FADS1: variants seen among roughly 807,000 people sequenced by gnomAD.
FADS1 encodes the protein fatty acid desaturase 1, also known as acyl-CoA (8-3)-desaturase.
In FADS1, 17 loss-of-function variants were observed where a neutral mutation model predicts 61.6. The ratio of observed to expected loss-of-function variants is 0.28; its 90% CI spans 0.19 to 0.41. The LOEUF (loss-of-function observed/expected upper bound fraction) is 0.41, where lower values mean the gene tolerates loss of function less well. Among genes scored for constraint, FADS1 ranks in the 10% least tolerant of loss-of-function variants. The probability of loss-of-function intolerance (pLI) is 1.00; values close to 1 mark genes in which losing one functional copy is unlikely to be tolerated. For synonymous variants in FADS1, 238 were observed against 258.7 expected (o/e 0.92, Z 0.77); for missense variants, 387 against 650.9 (o/e 0.59, Z 4.41).
chr11:61,816,872 G>A lies in FADS1; in HGVS notation c.58C>T (p.Arg20Cys). ...CGCGCGCCCAGAGCCAGCCGCCTGC[G>A]CGCCGGGTTTTCAGCACCGCAGGGC... is the stretch of plus-strand genomic sequence containing the variant. Reference protein sequence around the residue: ...GLPCGAENPARRRLALGARQQ... With the variant: ...GLPCGAENPACRRLALGARQQ... Residue 20 changes from arginine (R) to cysteine (C), a missense_variant, in exon 1 of 12, where the codon CGC becomes TGC. Physicochemically the swap from Arg to Cys is radical, Grantham distance 180. Coordinates refer to ENST00000350997, the MANE Select transcript of FADS1 (RefSeq NM_013402.7). This position sits in a 1 kb window ranked among gnomAD's most constrained non-coding sequence, Gnocchi z 7.0. 5.4e-6 allele frequency: 8 copies of A among 1,477,974 alleles called. No homozygotes were observed. Among genetic ancestry groups the A allele is most frequent in the Non-Finnish European group, 7.1e-6 (8 of 1,125,200 alleles). 91.6% of individuals were successfully genotyped at this position (1,477,974 alleles called of 1,614,324 possible). A position where few individuals can be genotyped will look rare whatever the true frequency, so the allele number is the denominator to read the frequency against.
Position 61,816,481 on chromosome 11 carries a change from G to C in FADS1, c.375+74C>G. 1 of 1,601,394 alleles carries C rather than the reference G, an allele frequency of 6.2e-7. No individual in the cohort carries two copies. The highest frequency in any genetic ancestry group is 2.2e-5 in the East Asian group (1 of 44,808). On this transcript the variant is annotated intron_variant, in intron 1 of 11. Transcript: ENST00000350997. The surrounding 1 kb of genome is among the most constrained non-coding windows in gnomAD (Gnocchi z 7.0). Reference sequence around the variant, plus strand: ...CGAATTAGTCGGTGTTTGGCTCGGAGTGCGTAACTCTGTCTCCCCTGCACT... The same window carrying C: ...CGAATTAGTCGGTGTTTGGCTCGGACTGCGTAACTCTGTCTCCCCTGCACT...
intron 5 of FADS1, among the ~76,000 whole-genome samples, chr11:61,807,373 C>T (rs550380659): frequency 1.3e-5 from 2 of 152,092 alleles, no homozygotes; most frequent in South Asian, 2.1e-4. Flanking sequence ...CGGCCGCCAT[C>T]GTACTTTTTC....
chr11:61,802,314 G>T lies in FADS1; in HGVS notation c.*97C>A. ...TATGTCCCCAAACCCAACCCCCTCT[G>T]AGTATTAAACTATAGTGGCATTGTC... On this transcript the variant is annotated 3_prime_UTR_variant, in exon 12 of 12. Coordinates refer to ENST00000350997, the MANE Select transcript of FADS1 (RefSeq NM_013402.7). The surrounding 1 kb of genome is among the most constrained non-coding windows in gnomAD (Gnocchi z 4.2). 1 of 1,086,096 alleles carries T rather than the reference G, an allele frequency of 9.2e-7. No homozygotes were observed. The highest frequency in any genetic ancestry group is 1.4e-6 in the Non-Finnish European group (1 of 725,918). 67.3% of individuals were successfully genotyped at this position (1,086,096 alleles called of 1,614,324 possible).
Position 61,812,594 on chromosome 11 carries a change from G to C in FADS1, c.561C>G (p.Val187=). The change falls in exon 3 of 12, where the codon GTC becomes GTG. Residue 187 remains valine, a synonymous_variant. Coordinates refer to ENST00000350997, the MANE Select transcript of FADS1 (RefSeq NM_013402.7). Reference sequence around the variant, plus strand: ...TGTGCAGCAGGTACAGCAGGAAGAAGACATGGTTGGCCTTCATGAGCCCCA... The same window carrying C: ...TGTGCAGCAGGTACAGCAGGAAGAACACATGGTTGGCCTTCATGAGCCCCA... ...ERMGLMKANH[V]FFLLYLLHIL... is the part of the protein sequence containing the mutation. 6.2e-7 allele frequency: 1 copy of C among 1,614,182 alleles called. No homozygotes were observed. Among genetic ancestry groups the C allele is most frequent in the Non-Finnish European group, 8.5e-7 (1 of 1,180,026 alleles).
chr11:61,812,362 A>G, intron 3 of FADS1, 109 bp downstream of exon 3: 1 of 925,858 alleles, frequency 1.1e-6, no homozygotes, highest in Non-Finnish European at 1.7e-6. Context: ...ATACCTTCAG[A>G]TCTGCCCTGC....
rs1354746464 is a variant in FADS1, at chr11:61,803,973, C to T, written c.1054-206G>A. Reference sequence around the variant, plus strand: ...GCACCCCCCAGCCCTTCTTGCATGTCCCCTTCAAAAGTACCAAGGCCTACA... The same window carrying T: ...GCACCCCCCAGCCCTTCTTGCATGTTCCCTTCAAAAGTACCAAGGCCTACA... On this transcript the variant is annotated intron_variant, in intron 7 of 11. Coordinates refer to ENST00000350997, the MANE Select transcript of FADS1 (RefSeq NM_013402.7). This position sits in a 1 kb window ranked among gnomAD's most constrained non-coding sequence, Gnocchi z 4.3. The T allele has an allele frequency of 1.0e-5, 6 of 588,408 alleles. 1 individual carries two copies. The highest frequency in any genetic ancestry group is 3.7e-5 in the African/African-American group (2 of 53,602). 36.4% of individuals were successfully genotyped at this position (588,408 alleles called of 1,614,324 possible). A position where few individuals can be genotyped will look rare whatever the true frequency, so the allele number is the denominator to read the frequency against.
Position 61,816,461 on chromosome 11 carries a change from T to C in FADS1, c.375+94A>G. On this transcript the variant is annotated intron_variant, in intron 1 of 11. Coordinates refer to ENST00000350997, the MANE Select transcript of FADS1 (RefSeq NM_013402.7). The surrounding 1 kb of genome is among the most constrained non-coding windows in gnomAD (Gnocchi z 7.0). ...GGCGCCTCCGGGCTTTCCTCCGAATTAGTCGGTGTTTGGCTCGGAGTGCGT... is the reference window on the plus strand; with the variant it reads ...GGCGCCTCCGGGCTTTCCTCCGAATCAGTCGGTGTTTGGCTCGGAGTGCGT... 2 of 1,600,584 alleles carry C rather than the reference T, an allele frequency of 1.2e-6. No homozygotes were observed. The highest frequency in any genetic ancestry group is 2.2e-5 in the East Asian group (1 of 44,872).
Position 61,816,732 on chromosome 11 carries a change from C to A in FADS1, c.198G>T (p.Glu66Asp), listed in dbSNP as rs749976161. The A allele has an allele frequency of 1.7e-5, 27 of 1,558,594 alleles. No individual in the cohort carries two copies. The highest frequency in any genetic ancestry group is 2.4e-5 in the East Asian group (1 of 41,850). Reference protein sequence around the residue: ...PAMAPDPVAAETAAQGPTPRY... With the variant: ...PAMAPDPVAADTAAQGPTPRY... Reference sequence around the variant, plus strand: ...GCGGGGTAGGTCCCTGAGCCGCGGTCTCGGCGGCCACCGGGTCGGGGGCCA... The same window carrying A: ...GCGGGGTAGGTCCCTGAGCCGCGGTATCGGCGGCCACCGGGTCGGGGGCCA... The change falls in exon 1 of 12, where the codon GAG becomes GAT. Residue 66 changes from glutamate to aspartate, a missense_variant. Physicochemically the swap from Glu to Asp is conservative, Grantham distance 45 (BLOSUM62 2). Transcript: ENST00000350997. The surrounding 1 kb of genome is among the most constrained non-coding windows in gnomAD (Gnocchi z 7.0).
At chr11:61,807,916 A>G (rs1407187858) in intron 5 of FADS1, among the ~76,000 whole-genome samples, 1 of 152,206 alleles carries the variant, frequency 6.6e-6, no homozygotes, top group Admixed American at 6.5e-5. Flanking sequence ...ACATTAACAG[A>G]TTCAAGTTCT....
At chr11:61,804,952 A>T (rs187727847) in intron 6 of FADS1, 191 bp from the exon 7 acceptor site, 1 of 589,054 alleles carries the variant, frequency 1.7e-6, no homozygotes, top group African/African-American at 1.9e-5. Flanking sequence ...CATAAATCCA[A>T]GTCTGGGGAA....
In FADS1 at chr11:61,802,393, T is replaced by C. The variant is rs1171483309; in HGVS notation, c.*18A>G. 3.2e-6 allele frequency: 5 copies of C among 1,562,680 alleles called. No individual in the cohort carries two copies. In the African/African-American group the frequency reaches 5.4e-5, roughly 17 times the overall value. On this transcript the variant is annotated 3_prime_UTR_variant, in exon 12 of 12. Coordinates refer to ENST00000350997, the MANE Select transcript of FADS1 (RefSeq NM_013402.7). The surrounding 1 kb of genome is among the most constrained non-coding windows in gnomAD (Gnocchi z 4.2). ...GAGTCTTCCTCCTCTTCTTCCAGACTGGGCAGGGTGGCTGTTGTTATTGGT... is the reference window on the plus strand; with the variant it reads ...GAGTCTTCCTCCTCTTCTTCCAGACCGGGCAGGGTGGCTGTTGTTATTGGT...
Position 61,816,749 on chromosome 11 carries a change from C to T in FADS1, c.181G>A (p.Asp61Asn), listed in dbSNP as rs755788898. ...RGVARPAMAP[D>N]PVAAETAAQG... is the part of the protein sequence containing the mutation. The stretch of plus-strand genomic sequence containing the variant: ...GCCGCGGTCTCGGCGGCCACCGGGT[C>T]GGGGGCCATAGCTGGCCTGGCGACG... The change falls in exon 1 of 12, where the codon GAC becomes AAC. Residue 61 changes from aspartate to asparagine, a missense_variant. Asp to Asn is a conservative substitution (Grantham distance 23). Transcript: ENST00000350997. The surrounding 1 kb of genome is among the most constrained non-coding windows in gnomAD (Gnocchi z 7.0). 10 of 1,549,722 alleles carry T rather than the reference C, an allele frequency of 6.5e-6. No homozygotes were observed. The Admixed American group carries it at 9.7e-5, about 15-fold the overall frequency.
In FADS1 at chr11:61,812,512, A is replaced by C. The variant is rs1358629752; in HGVS notation, c.643T>G (p.Leu215Val). 6.2e-7 allele frequency: 1 copy of C among 1,613,966 alleles called. No homozygotes were observed. Among genetic ancestry groups the C allele is most frequent in the Non-Finnish European group, 8.5e-7 (1 of 1,180,032 alleles). The change falls in exon 3 of 12, where the codon TTG becomes GTG. Residue 215 changes from leucine to valine, a missense_variant. This residue lies in a region of FADS1 where 257 missense variants were observed against 533.3 expected (regional missense o/e 0.48). Transcript: ENST00000350997. Reference sequence around the variant, plus strand: ...AGCACCGCACAGAGGAGGAAGGGCAAAAAGGACGTCCCAAAGACCCAAAGG... The same window carrying C: ...AGCACCGCACAGAGGAGGAAGGGCACAAAGGACGTCCCAAAGACCCAAAGG... ...LTLWVFGTSF[L>V]PFLLCAVLLS... is the part of the protein sequence containing the mutation.
chr11:61,810,147 C>T (rs993048731), intron 5 of FADS1, among the ~76,000 whole-genome samples: 2 of 152,206 alleles, frequency 1.3e-5, no homozygotes, highest in African/African-American at 4.8e-5. Context: ...GATCTCCACC[C>T]CCAGGCATTA....
rs1221224825 is a variant in FADS1 at position 61,816,702 on chromosome 11, G to C, written c.228C>G (p.Tyr76Ter). The C allele has an allele frequency of 6.3e-7, 1 of 1,577,462 alleles. No homozygotes were observed. Among genetic ancestry groups the C allele is most frequent in the Admixed American group, 1.8e-5 (1 of 54,554 alleles). ...ETAAQGPTPRYFTWDEVAQRS... is the reference protein window; with the variant it reads ...ETAAQGPTPR ...GCTGGGCCACCTCGTCCCAGGTGAA[G>C]TAGCGCGGGGTAGGTCCCTGAGCCG... is the stretch of plus-strand genomic sequence containing the variant. Residue 76 changes from tyrosine (Y) to a stop codon, truncating the protein, a stop_gained, in exon 1 of 12, where the codon TAC (tyrosine) becomes TAG (stop). Coordinates refer to ENST00000350997, the MANE Select transcript of FADS1 (RefSeq NM_013402.7). LOFTEE classifies it high-confidence loss of function. The surrounding 1 kb of genome is among the most constrained non-coding windows in gnomAD (Gnocchi z 7.0).
chr11:61,806,579 A>T (rs545063862), intron 6 of FADS1, 85 bp downstream of exon 6: 13 of 1,257,340 alleles, frequency 1.0e-5, no homozygotes, highest in Non-Finnish European at 1.5e-5. Flanking sequence ...TTAAAATACC[A>T]TAATCCCTTG....
intron 5 of FADS1, among the ~76,000 whole-genome samples, chr11:61,810,236 G>A (rs2066921612): frequency 1.3e-5 from 2 of 152,210 alleles, no homozygotes; most frequent in South Asian, 2.1e-4. Flanking sequence ...CAGGAAATCA[G>A]GCTGGGGATC....
chr11:61,806,998 C>T (rs911889392), intron 5 of FADS1, among the ~76,000 whole-genome samples: 1 of 152,206 alleles, frequency 6.6e-6, no homozygotes, highest in African/African-American at 2.4e-5. Context: ...GACCACAGGC[C>T]CTCTTGTGTT....
Position 61,802,894 on chromosome 11 carries a change from T to C in FADS1, c.1361A>G (p.His454Arg). ...LFPTMPRHNYHKVAPLVQSLC... is the reference protein window; with the variant it reads ...LFPTMPRHNYRKVAPLVQSLC... ...GGACTGCACCAGGGGAGCCACTTTG[T>C]GGTAATTGTGTCGAGGCATCGTGGG... is the stretch of plus-strand genomic sequence containing the variant. Residue 454 changes from histidine to arginine, a missense_variant, in exon 11 of 12, where the codon CAC becomes CGC. Transcript: ENST00000350997. This position sits in a 1 kb window ranked among gnomAD's most constrained non-coding sequence, Gnocchi z 4.2. The C allele has an allele frequency of 6.2e-7, 1 of 1,614,030 alleles. No individual in the cohort carries two copies. The highest frequency in any genetic ancestry group is 8.5e-7 in the Non-Finnish European group (1 of 1,179,950).
Sources: allele counts gnomAD v4.1 joint callset (sites outside exome capture counted in the v4.1 genomes callset), GRCh38; gene constraint gnomAD v4.1.1; regional missense constraint gnomAD v4.1.1; non-coding constraint Gnocchi (gnomAD v3.1); transcripts MANE v1.5; gene names NCBI Gene and HGNC (gene_info 2026-07-23, HGNC 2026-07-21).